The following MAP3K2 variants were observed in gnomAD, a reference collection of about 807,000 sequenced individuals.
MAP3K2 encodes the protein MAP/ERK kinase kinase 2.
In MAP3K2, 24 loss-of-function variants were observed where a neutral mutation model predicts 80.3. The ratio of observed to expected loss-of-function variants is 0.30; its 90% confidence interval spans 0.22 to 0.42. MAP3K2 has a LOEUF of 0.42. Among genes scored for constraint, MAP3K2 ranks in the 10% least tolerant of loss-of-function variants. The probability of loss-of-function intolerance (pLI) is 1.00; values close to 1 mark genes in which losing one functional copy is unlikely to be tolerated. For missense variants in MAP3K2, 608 were observed against 750.1 expected (o/e 0.81, Z 2.21); for synonymous variants, 244 against 253.7 (o/e 0.96, Z 0.36).
At chr2:127,365,384 C>A (rs1410672508) in intron 1 of MAP3K2, among the ~76,000 whole-genome samples, 3 of 150,098 alleles carry the variant, frequency 2.0e-5, no homozygotes, top group Non-Finnish European at 4.5e-5. Context: ...TTCTTTTCAT[C>A]CTTAACTGCT....
At position 127,301,043 on chromosome 2, in the gene MAP3K2, G is replaced by C. The variant is rs1298127853; in HGVS notation, c.*6536C>G. Reference sequence around the variant, plus strand: ...TAAAAGTGCTTTTCGGTATGGTCATGAACTTTACTGTTCTCAACTGCATTA... The same window carrying C: ...TAAAAGTGCTTTTCGGTATGGTCATCAACTTTACTGTTCTCAACTGCATTA... On this transcript the variant is annotated 3_prime_UTR_variant, in exon 17 of 17. Coordinates refer to ENST00000682094, the MANE Select transcript of MAP3K2 (RefSeq NM_001371910.2). 1 of 152,198 alleles carries C rather than the reference G, an allele frequency of 6.6e-6. No homozygotes were observed. Among genetic ancestry groups the C allele is most frequent in the Non-Finnish European group, 1.5e-5 (1 of 68,026 alleles). 9.4% of individuals were successfully genotyped at this position (152,198 alleles called of 1,614,324 possible).
chr2:127,319,215 G>A (rs1208442007), intron 12 of MAP3K2, among the ~76,000 whole-genome samples: 1 of 144,498 alleles, frequency 6.9e-6, no homozygotes, highest in Non-Finnish European at 1.5e-5. Flanking sequence ...AAGACCCACT[G>A]AGGCTAGGGG....
At chr2:127,340,664 G>GAA (rs754899217) in intron 2 of MAP3K2, among the ~76,000 whole-genome samples, 6 of 127,172 alleles carry the variant, frequency 4.7e-5, no homozygotes, top group Non-Finnish European at 8.5e-5. Context: ...TTCCCAAAAG[G>GAA]AAAAAAAAAA....
intron 1 of MAP3K2, among the ~76,000 whole-genome samples, chr2:127,355,599 C>A (rs767345252): frequency 1.3e-5 from 2 of 152,082 alleles, no homozygotes; most frequent in Non-Finnish European, 2.9e-5. Context: ...ATCTTTCTGC[C>A]ACTAGAGGGC....
intron 4 of MAP3K2, 34 bp from the exon 5 acceptor site, chr2:127,336,003 T>G: frequency 7.8e-7 from 1 of 1,288,118 alleles, no homozygotes; most frequent in South Asian, 1.3e-5. Context: ...TTTATTTTCT[T>G]AGGCAAAGTT....
chr2:127,378,230 G>A (rs989179159), intron 1 of MAP3K2: 4 of 695,996 alleles, frequency 5.7e-6, no homozygotes, highest in Middle Eastern at 1.5e-3. Flanking sequence ...TGAAAGAGCT[G>A]AAACAAAACT....
intron 9 of MAP3K2, among the ~76,000 whole-genome samples, chr2:127,324,618 G>A (rs895148372): frequency 2.1e-5 from 3 of 144,982 alleles, no homozygotes; most frequent in Non-Finnish European, 4.8e-5. Flanking sequence ...ATCCAGGATA[G>A]TGTTTTGCAA....
At chr2:127,348,757 AAAGG>A (rs1161851377) in intron 1 of MAP3K2, among the ~76,000 whole-genome samples, 1 of 152,148 alleles carries the variant, frequency 6.6e-6, no homozygotes, top group Non-Finnish European at 1.5e-5. Flanking sequence ...TATAACTGAA[AAAGG>A]AAGGAAGGGA....
intron 15 of MAP3K2, among the ~76,000 whole-genome samples, chr2:127,313,360 G>A (rs1228537317): frequency 1.3e-5 from 2 of 152,162 alleles, no homozygotes; most frequent in African/African-American, 2.4e-5. Context: ...CTTAACAAGG[G>A]AGGTCTGCCT....
chr2:127,319,793 C>T (rs1257908281), intron 12 of MAP3K2, among the ~76,000 whole-genome samples: 15 of 150,174 alleles, frequency 1.0e-4, no homozygotes, highest in Non-Finnish European at 1.9e-4. Context: ...GAGCTGAGAT[C>T]GCGCCACTGC....
chr2:127,372,133 G>C (rs991976788), intron 1 of MAP3K2, among the ~76,000 whole-genome samples: 1 of 152,198 alleles, frequency 6.6e-6, no homozygotes, highest in Admixed American at 6.5e-5. Flanking sequence ...AGTGGGATTA[G>C]TCCTAGGGCA....
rs1366678076 is a variant in MAP3K2 at position 127,302,980 on chromosome 2, G to A, written c.*4599C>T. 6.6e-6 allele frequency: 1 copy of A among 151,988 alleles called. No homozygotes were observed. Among genetic ancestry groups the A allele is most frequent in the African/African-American group, 2.4e-5 (1 of 41,384 alleles). 9.4% of individuals were successfully genotyped at this position (151,988 alleles called of 1,614,324 possible). A position where few individuals can be genotyped will look rare whatever the true frequency, so the allele number is the denominator to read the frequency against. On this transcript the variant is annotated 3_prime_UTR_variant, in exon 17 of 17. Transcript: ENST00000682094. ...ACCAATACACAGTCTAAGGCCAAAT[G>A]AACTTGTGAAGCCTACTGATTTTGG...
intron 9 of MAP3K2, among the ~76,000 whole-genome samples, chr2:127,324,548 C>G (rs914013358): frequency 6.6e-6 from 1 of 152,180 alleles, no homozygotes; most frequent in African/African-American, 2.4e-5. Flanking sequence ...CTTGGCAAAT[C>G]ACCCTTCTGC....
chr2:127,365,986 C>G (rs11680949), intron 1 of MAP3K2, among the ~76,000 whole-genome samples: 37,024 of 152,082 alleles, frequency 0.24, 4,713 homozygotes, highest in Middle Eastern at 0.31. Context: ...CTGCAGCTTT[C>G]CCTCTGAGAT....
At chr2:127,356,464 A>C (rs1263476570) in intron 1 of MAP3K2, among the ~76,000 whole-genome samples, 1 of 147,912 alleles carries the variant, frequency 6.8e-6, no homozygotes. Context: ...TTTATTGCTA[A>C]AAAAAATGCT....
chr2:127,339,843 T>C lies in MAP3K2; in HGVS notation c.5-793A>G, dbSNP rs1573992216. On this transcript the variant is annotated intron_variant, in intron 2 of 16. Transcript: ENST00000682094. This position sits in a 1 kb window ranked among gnomAD's most constrained non-coding sequence, Gnocchi z 4.2. ...TTTATTTTCACTAGTAAATCAATTC[T>C]ACTAATGATAATCACAAATGATAAA... Among the ~76,000 whole-genome samples the C allele has an allele frequency of 6.6e-6, 1 of 152,350 alleles. No individual in the cohort carries two copies. Among genetic ancestry groups the C allele is most frequent in the East Asian group, 1.9e-4 (1 of 5,190 alleles).
intron 1 of MAP3K2, among the ~76,000 whole-genome samples, chr2:127,354,058 A>G (rs1334123617): frequency 6.6e-6 from 1 of 151,894 alleles, no homozygotes; most frequent in Non-Finnish European, 1.5e-5. Context: ...GCTCGTTAAG[A>G]GTCATCACCA....
intron 15 of MAP3K2, among the ~76,000 whole-genome samples, chr2:127,313,214 G>A (rs1381841958): frequency 6.6e-6 from 1 of 152,190 alleles, no homozygotes; most frequent in African/African-American, 2.4e-5. Context: ...GTTTGAAGAA[G>A]ATCCACTCGG....
Position 127,307,622 on chromosome 2 carries a change from G to A in MAP3K2, c.1817C>T (p.Ser606Leu). The A allele has an allele frequency of 6.3e-7, 1 of 1,583,706 alleles. No individual in the cohort carries two copies. Among genetic ancestry groups the A allele is most frequent in the South Asian group, 1.2e-5 (1 of 86,494 alleles). Residue 606 changes from serine (S) to leucine (L), a missense_variant, in exon 17 of 17, where the codon TCA (serine) becomes TTA (leucine). This residue lies in a region of MAP3K2 where 42 missense variants were observed against 53.7 expected (regional missense o/e 0.78). Coordinates refer to ENST00000682094, the MANE Select transcript of MAP3K2 (RefSeq NM_001371910.2). This position sits in a 1 kb window ranked among gnomAD's most constrained non-coding sequence, Gnocchi z 5.4. ...RIFVEAKLRP[S>L]ADELLRHMFV... is the part of the protein sequence containing the mutation. ...CATGTGCCTTAAGAGTTCATCAGCT[G>A]AAGGTCTCAGTTTGGCCTCTACAAA...
Sources: allele counts gnomAD v4.1 joint callset (sites outside exome capture counted in the v4.1 genomes callset), GRCh38; gene constraint gnomAD v4.1.1; regional missense constraint gnomAD v4.1.1; non-coding constraint Gnocchi (gnomAD v3.1); transcripts MANE v1.5; gene names NCBI Gene and HGNC (gene_info 2026-07-23, HGNC 2026-07-21).